The following XPNPEP1 variants were observed in gnomAD, a reference collection of about 807,000 sequenced individuals.
XPNPEP1 encodes the protein xaa-Pro aminopeptidase 1.
In XPNPEP1, 39 loss-of-function variants were observed where a neutral mutation model predicts 92.4. That is an observed-to-expected ratio of 0.42 (90% CI 0.33 to 0.55). The LOEUF is 0.55. Among genes scored for constraint, XPNPEP1 ranks in the 20% least tolerant of loss-of-function variants. The pLI, the probability that XPNPEP1 is intolerant of heterozygous loss-of-function variation, is 0.08. For missense variants in XPNPEP1, 654 were observed against 856.1 expected, an observed-to-expected ratio of 0.76 and a Z score of 2.95; for synonymous variants, 307 against 299.4, an observed-to-expected ratio of 1.03 and a Z score of -0.26.
At chr10:109,872,481 AT>A (rs1295824573) in intron 16 of XPNPEP1, among the ~76,000 whole-genome samples, 1 of 152,220 alleles carries the variant, frequency 6.6e-6, no homozygotes, top group Non-Finnish European at 1.5e-5. Flanking sequence ...CTAAAACTCC[AT>A]GCTCCTCAGC....
chr10:109,874,183 G>A (rs1343375967), intron 15 of XPNPEP1, among the ~76,000 whole-genome samples: 4 of 152,160 alleles, frequency 2.6e-5, no homozygotes, highest in African/African-American at 9.7e-5. Flanking sequence ...GTGAATGCAG[G>A]GATGGCTAAA....
intron 6 of XPNPEP1, 39 bp downstream of exon 6, chr10:109,888,464 A>G: frequency 6.4e-7 from 1 of 1,565,052 alleles, no homozygotes; most frequent in African/African-American, 1.4e-5. Context: ...TCTAGAAGCC[A>G]CTTCCTTACC....
chr10:109,919,141 T>C (rs1230383350), intron 1 of XPNPEP1, among the ~76,000 whole-genome samples: 2 of 152,160 alleles, frequency 1.3e-5, no homozygotes, highest in African/African-American at 4.8e-5. Flanking sequence ...AGAGATACAC[T>C]GGACTTCATC....
At position 109,867,767 on chromosome 10, in the gene XPNPEP1, C is replaced by T. The variant is rs1186748136; in HGVS notation, c.1872+847G>A. Among the ~76,000 whole-genome samples, 1 of 152,248 alleles carries T rather than the reference C, an allele frequency of 6.6e-6. No homozygotes were observed. The highest frequency in any genetic ancestry group is 1.5e-5 in the Non-Finnish European group (1 of 68,044). On this transcript the variant is annotated intron_variant, in intron 20 of 20. Coordinates refer to ENST00000502935, the MANE Select transcript of XPNPEP1 (RefSeq NM_020383.4). The surrounding 1 kb of genome is among the most constrained non-coding windows in gnomAD (Gnocchi z 4.5). The stretch of plus-strand genomic sequence containing the variant: ...TAACCCACCGTGCTTACCCTGCCTT[C>T]GGCTCCCACCAGTCATTTGCTTTTC...
chr10:109,871,643 G>A (rs917623587), intron 17 of XPNPEP1, 149 bp downstream of exon 17: 30 of 848,834 alleles, frequency 3.5e-5, no homozygotes, highest in Non-Finnish European at 4.7e-5. Flanking sequence ...AGTGGGTTAT[G>A]GAGACTCACC....
chr10:109,906,108 C>G (rs1327465639), intron 3 of XPNPEP1, among the ~76,000 whole-genome samples: 2 of 152,204 alleles, frequency 1.3e-5, no homozygotes, highest in African/African-American at 4.8e-5. Flanking sequence ...GCTCAACTTA[C>G]AGAAATACCC....
At position 109,867,563 on chromosome 10, in the gene XPNPEP1, TGG is replaced by T. The variant is rs2133341319; in HGVS notation, c.1872+1049_1872+1050del. ...GGAACAGGCAGAAGAGGCTTCTAGC[TGG>T]GAGAATCCCATTCCACAGCTCCTGT... is the stretch of plus-strand genomic sequence containing the variant. On this transcript the variant is annotated intron_variant, in intron 20 of 20. Coordinates refer to ENST00000502935, the MANE Select transcript of XPNPEP1 (RefSeq NM_020383.4). This position sits in a 1 kb window ranked among gnomAD's most constrained non-coding sequence, Gnocchi z 4.5. Among the ~76,000 whole-genome samples, 1 of 152,338 alleles carries T rather than the reference TGG, an allele frequency of 6.6e-6. No homozygotes were observed. The highest frequency in any genetic ancestry group is 6.5e-5 in the Admixed American group (1 of 15,308).
intron 3 of XPNPEP1, among the ~76,000 whole-genome samples, chr10:109,897,508 T>C (rs1317581901): frequency 6.6e-6 from 1 of 152,186 alleles, no homozygotes; most frequent in East Asian, 1.9e-4. Flanking sequence ...ACTGTATTCA[T>C]TTCCTCTCAT....
intron 3 of XPNPEP1, among the ~76,000 whole-genome samples, chr10:109,905,643 C>A (rs1849519853): frequency 6.6e-6 from 1 of 152,102 alleles, no homozygotes; most frequent in South Asian, 2.1e-4. Flanking sequence ...ATCTGTTGCA[C>A]AACAATATGT....
intron 3 of XPNPEP1, among the ~76,000 whole-genome samples, chr10:109,898,435 C>T (rs546654587): frequency 4.6e-5 from 7 of 152,274 alleles, no homozygotes; most frequent in East Asian, 1.9e-4. Flanking sequence ...GCCATATAAA[C>T]GATGCTGAAC....
chr10:109,882,689 G>A, intron 9 of XPNPEP1, 47 bp from the exon 10 acceptor site: 2 of 1,597,706 alleles, frequency 1.3e-6, no homozygotes, highest in Non-Finnish European at 1.7e-6. Context: ...GGGAACATGA[G>A]TGAGAGGTGG....
At chr10:109,868,329 C>T (rs945376891) in intron 20 of XPNPEP1, among the ~76,000 whole-genome samples, 8 of 151,782 alleles carry the variant, frequency 5.3e-5, no homozygotes, top group Non-Finnish European at 1.0e-4. Flanking sequence ...AGGAATAGTA[C>T]AGCCAAACAA....
intron 19 of XPNPEP1, 48 bp downstream of exon 19, chr10:109,869,905 G>T (rs373097749): frequency 6.3e-7 from 1 of 1,589,898 alleles, no homozygotes; most frequent in South Asian, 1.1e-5. Context: ...TATCCGAGGC[G>T]TGATTATTGC....
intron 16 of XPNPEP1, among the ~76,000 whole-genome samples, chr10:109,872,872 CCA>C (rs1847565018): frequency 2.0e-5 from 3 of 152,194 alleles, no homozygotes; most frequent in Admixed American, 2.0e-4. Context: ...AGCCAGGTCT[CCA>C]GACCCCTAGT....
At chr10:109,878,909 C>G (rs889802159) in intron 12 of XPNPEP1, among the ~76,000 whole-genome samples, 4 of 151,708 alleles carry the variant, frequency 2.6e-5, no homozygotes, top group Admixed American at 1.3e-4. Context: ...AAAAATTTAT[C>G]TGCACACTAA....
chr10:109,923,379 G>A, intron 1 of XPNPEP1, 23 bp downstream of exon 1: 1 of 1,430,312 alleles, frequency 7.0e-7, no homozygotes, highest in Non-Finnish European at 9.2e-7. Flanking sequence ...CCCGGACGCC[G>A]GCTGCCGGCG....
intron 5 of XPNPEP1, among the ~76,000 whole-genome samples, 182 bp from the exon 6 acceptor site, chr10:109,888,777 A>T (rs1461627100): frequency 6.6e-6 from 1 of 152,206 alleles, no homozygotes; most frequent in Non-Finnish European, 1.5e-5. Context: ...ACAGAGAGGG[A>T]GAAGTGTAAG....
chr10:109,881,042 G>C, intron 10 of XPNPEP1, 111 bp from the exon 11 acceptor site: 2 of 1,007,408 alleles, frequency 2.0e-6, no homozygotes, highest in Non-Finnish European at 2.9e-6. Flanking sequence ...CATTTGAAGA[G>C]CTCCCACTGG....
intron 1 of XPNPEP1, among the ~76,000 whole-genome samples, chr10:109,921,029 C>T (rs1023154068): frequency 6.6e-6 from 1 of 152,198 alleles, no homozygotes; most frequent in African/African-American, 2.4e-5. Flanking sequence ...ACAGGAGCTA[C>T]GAAGCAGCTC....
Sources: gnomAD v4.1 joint callset for allele counts (sites outside exome capture counted in the v4.1 genomes callset) on GRCh38, gnomAD v4.1.1 for gene constraint, Gnocchi (gnomAD v3.1) non-coding constraint, MANE v1.5 for transcripts, NCBI Gene and HGNC (gene_info 2026-07-23, HGNC 2026-07-21) for gene names.